Variants in TMEM209 observed in about 807,000 individuals in gnomAD.
TMEM209 encodes the protein testicular tissue protein Li 202.
In TMEM209, 65 loss-of-function variants were observed where a neutral mutation model predicts 76.2. The observed-to-expected ratio is 0.85, with a 90% CI of 0.70 to 1.05. The LOEUF is 1.05. TMEM209 is among the 50% of genes least tolerant of loss of function. The pLI is 0.00. For missense variants in TMEM209, 623 were observed against 685.5 expected (o/e 0.91, Z 1.02); for synonymous variants, 239 against 237.6 (o/e 1.01, Z -0.06).
At chr7:130,187,321 C>T (rs187921975) in intron 6 of TMEM209, among the ~76,000 whole-genome samples, 17 of 150,562 alleles carry the variant, frequency 1.1e-4, no homozygotes, top group Non-Finnish European at 2.5e-4. Flanking sequence ...AAAAGTAAGG[C>T]TATGAATAGC....
intron 9 of TMEM209, among the ~76,000 whole-genome samples, chr7:130,180,440 C>A (rs1199749249): frequency 1.3e-5 from 2 of 152,088 alleles, no homozygotes; most frequent in Admixed American, 1.3e-4. Context: ...ACGATCTCGG[C>A]TCACTGCAAC....
chr7:130,182,700 TTC>T (rs1298653056), intron 8 of TMEM209, among the ~76,000 whole-genome samples: 1 of 152,234 alleles, frequency 6.6e-6, no homozygotes, highest in African/African-American at 2.4e-5. Context: ...CAATTACCAC[TTC>T]TGTTTCCATG....
intron 8 of TMEM209, among the ~76,000 whole-genome samples, chr7:130,182,325 T>C (rs966965342): frequency 6.6e-6 from 1 of 152,256 alleles, no homozygotes; most frequent in African/African-American, 2.4e-5. Context: ...GTTAAATTTT[T>C]CTTAAAATTT....
At chr7:130,182,670 G>GT (rs1359602548) in intron 8 of TMEM209, among the ~76,000 whole-genome samples, 2 of 152,140 alleles carry the variant, frequency 1.3e-5, no homozygotes, top group Admixed American at 1.3e-4. Flanking sequence ...ATTATTTTGT[G>GT]TATGTGTTTG....
At chr7:130,184,607 C>T (rs1447023562) in intron 7 of TMEM209, among the ~76,000 whole-genome samples, 1 of 151,724 alleles carries the variant, frequency 6.6e-6, no homozygotes, top group African/African-American at 2.4e-5. Flanking sequence ...ATCCTCCCGC[C>T]TCAGCCTCCT....
At chr7:130,187,266 C>CAA (rs879334628) in intron 6 of TMEM209, among the ~76,000 whole-genome samples, 1 of 135,710 alleles carries the variant, frequency 7.4e-6, no homozygotes, top group African/African-American at 2.7e-5. Context: ...ACCTCGATCT[C>CAA]AAAAAAAAAA....
intron 8 of TMEM209, among the ~76,000 whole-genome samples, chr7:130,182,887 T>C (rs1481715887): frequency 6.6e-6 from 1 of 152,246 alleles, no homozygotes; most frequent in Non-Finnish European, 1.5e-5. Context: ...AAGCTATTTA[T>C]AGGCTTTATC....
chr7:130,185,471 C>T (rs1797567866), intron 6 of TMEM209, 104 bp from the exon 7 acceptor site: 3 of 955,816 alleles, frequency 3.1e-6, no homozygotes, highest in Non-Finnish European at 4.7e-6. Context: ...AGAAGACCAA[C>T]CCTCAAGGAG....
chr7:130,192,810 C>CT lies in TMEM209; in HGVS notation c.586dup (p.Ser196LysfsTer36), dbSNP rs746807421. The CT allele has an allele frequency of 3.1e-6, 5 of 1,613,652 alleles. No homozygotes were observed. The Admixed American group carries it at 8.3e-5, about 27-fold the overall frequency. On this transcript the variant is annotated frameshift_variant, in exon 6 of 15. Coordinates refer to ENST00000397622, the MANE Select transcript of TMEM209 (RefSeq NM_032842.4). LOFTEE classifies it high-confidence loss of function. Reference sequence around the variant, plus strand: ...AGGGTACGGAGAAGGAGGAGAGGGGCTAAAGCTCGCCAACTATACAAAATA... The same window carrying CT: ...AGGGTACGGAGAAGGAGGAGAGGGGCTTAAAGCTCGCCAACTATACAAAATA...
chr7:130,169,194 CAAAAA>C (rs11463128), intron 14 of TMEM209, among the ~76,000 whole-genome samples: 4 of 74,918 alleles, frequency 5.3e-5, no homozygotes, highest in Non-Finnish European at 1.1e-4. Context: ...GACTCCATCT[CAAAAA>C]AAAAAAAAAA....
chr7:130,180,643 A>G (rs1467289562), intron 9 of TMEM209, among the ~76,000 whole-genome samples: 1 of 152,220 alleles, frequency 6.6e-6, no homozygotes, highest in African/African-American at 2.4e-5. Flanking sequence ...TGCTGGGATT[A>G]TAGGCGTGAG....
intron 10 of TMEM209, among the ~76,000 whole-genome samples, chr7:130,177,728 A>AT (rs1190169197): frequency 6.6e-6 from 1 of 151,942 alleles, no homozygotes; most frequent in Non-Finnish European, 1.5e-5. Flanking sequence ...TGTGTATACT[A>AT]TTTTTTCTAG....
chr7:130,183,625 C>T (rs1055296556), intron 8 of TMEM209, among the ~76,000 whole-genome samples: 1 of 152,100 alleles, frequency 6.6e-6, no homozygotes, highest in Non-Finnish European at 1.5e-5. Context: ...AGTCCATATG[C>T]CTAACAGAAC....
intron 5 of TMEM209, among the ~76,000 whole-genome samples, chr7:130,197,878 T>G (rs572195918): frequency 1.2e-4 from 19 of 152,368 alleles, no homozygotes; most frequent in African/African-American, 4.6e-4. Flanking sequence ...AAAAAAGCTC[T>G]TAGATAACAG....
chr7:130,180,578 A>G (rs367695199), intron 9 of TMEM209, among the ~76,000 whole-genome samples: 48 of 152,258 alleles, frequency 3.2e-4, no homozygotes, highest in African/African-American at 1.0e-3. Context: ...CATGTTGGCC[A>G]GGCTGGTATT....
At chr7:130,190,433 G>A (rs181751985) in intron 6 of TMEM209, among the ~76,000 whole-genome samples, 32 of 151,724 alleles carry the variant, frequency 2.1e-4, no homozygotes, top group East Asian at 1.9e-3. Flanking sequence ...CAGGAGAATC[G>A]CTTGAACCTG....
chr7:130,194,408 A>C (rs1210055854), intron 5 of TMEM209, among the ~76,000 whole-genome samples: 1 of 152,084 alleles, frequency 6.6e-6, no homozygotes, highest in Non-Finnish European at 1.5e-5. Flanking sequence ...GTGCCACTGC[A>C]TTCCAGCCTG....
At chr7:130,171,389 A>G (rs1013545198) in intron 13 of TMEM209, among the ~76,000 whole-genome samples, 8 of 152,224 alleles carry the variant, frequency 5.3e-5, no homozygotes, top group African/African-American at 1.9e-4. Flanking sequence ...TTCAATTTAC[A>G]GATTAACTTT....
At chr7:130,171,836 T>C (rs749457380) in intron 13 of TMEM209, among the ~76,000 whole-genome samples, 3 of 152,130 alleles carry the variant, frequency 2.0e-5, no homozygotes, top group Non-Finnish European at 4.4e-5. Flanking sequence ...AAGACCATCC[T>C]GGCTAACACA....
Sources: allele counts gnomAD v4.1 joint callset (sites outside exome capture counted in the v4.1 genomes callset), GRCh38; gene constraint gnomAD v4.1.1; transcripts MANE v1.5; gene names NCBI Gene and HGNC (gene_info 2026-07-23, HGNC 2026-07-21).